The following TTLL1 variants were observed in gnomAD, a reference collection of about 807,000 sequenced individuals.
The protein encoded by TTLL1 is polyglutamylase complex subunit TTLL1.
Under a neutral mutation model 47.8 loss-of-function variants are expected in TTLL1, and 33 were observed. The ratio of observed to expected loss-of-function variants is 0.69; its 90% CI spans 0.52 to 0.92. The LOEUF (loss-of-function observed/expected upper bound fraction) is 0.92. Among genes scored for constraint, TTLL1 ranks in the 40% least tolerant of loss-of-function variants. The pLI, the probability that TTLL1 is intolerant of heterozygous loss-of-function variation, is 0.00. For synonymous variants in TTLL1, 225 were observed against 214.1 expected, an observed-to-expected ratio of 1.05 and a Z score of -0.45; for missense variants, 488 against 547.5, an observed-to-expected ratio of 0.89 and a Z score of 1.08.
intron 1 of TTLL1, among the ~76,000 whole-genome samples, chr22:43,080,902 CTTTTTTTTT>C (rs10529079): frequency 0.012 from 845 of 69,246 alleles, 11 homozygotes; most frequent in African/African-American, 0.027. Flanking sequence ...TGTTGCATGA[CTTTTTTTTT>C]TTTTTTTTTT....
chr22:43,071,640 C>T (rs1307375959), intron 3 of TTLL1, among the ~76,000 whole-genome samples: 3 of 152,178 alleles, frequency 2.0e-5, no homozygotes, highest in African/African-American at 7.2e-5. Context: ...AAACTCCTGA[C>T]CTCAGGTGAT....
chr22:43,055,679 G>A (rs1926951333), intron 8 of TTLL1, among the ~76,000 whole-genome samples: 1 of 149,928 alleles, frequency 6.7e-6, no homozygotes, highest in Admixed American at 6.6e-5. Flanking sequence ...TTGCTATGTG[G>A]TCCAGGCTGG....
At position 43,049,479 on chromosome 22, in the gene TTLL1, C is replaced by T. The variant is rs150822658; in HGVS notation, c.978+2322G>A. Among the ~76,000 whole-genome samples the T allele has an allele frequency of 5.5e-3, 834 of 151,486 alleles. 11 individuals carry two copies. The highest frequency in any genetic ancestry group is 0.019 in the African/African-American group (796 of 41,252). On this transcript the variant is annotated intron_variant, in intron 9 of 10. Transcript: ENST00000266254. ...CAGAGGTTGTGGTGAGCCAAGATGG[C>T]GCCATTGCACTCCAGCCTGGGCAAC... is the stretch of plus-strand genomic sequence containing the variant.
At chr22:43,077,477 T>G (rs577094232) in intron 2 of TTLL1, among the ~76,000 whole-genome samples, 78 of 152,264 alleles carry the variant, frequency 5.1e-4, no homozygotes, top group Non-Finnish European at 9.7e-4. Flanking sequence ...CTGTCCCTGC[T>G]GGGGGCCAGG....
chr22:43,073,640 G>A (rs991743359), intron 3 of TTLL1, among the ~76,000 whole-genome samples: 3 of 151,012 alleles, frequency 2.0e-5, no homozygotes, highest in Non-Finnish European at 3.0e-5. Context: ...ACAGGCATGA[G>A]CCGCTGTGCC....
chr22:43,043,811 C>T (rs999580509), intron 10 of TTLL1, among the ~76,000 whole-genome samples: 3 of 152,008 alleles, frequency 2.0e-5, no homozygotes, highest in African/African-American at 7.3e-5. Context: ...CAGTTACCTT[C>T]CTCCTTGTGC....
chr22:43,043,209 G>A (rs950363323), intron 10 of TTLL1, among the ~76,000 whole-genome samples: 6 of 151,908 alleles, frequency 3.9e-5, no homozygotes, highest in Non-Finnish European at 1.5e-5. Flanking sequence ...CCAAAGTGCT[G>A]GGATTACAGG....
intron 9 of TTLL1, among the ~76,000 whole-genome samples, chr22:43,048,190 G>A (rs1926298759): frequency 2.0e-5 from 3 of 151,902 alleles, no homozygotes; most frequent in South Asian, 4.2e-4. Flanking sequence ...GGTGGCAGGC[G>A]CCTGTAATCC....
intron 8 of TTLL1, among the ~76,000 whole-genome samples, chr22:43,052,624 CCAGCTACTCGGGA>C (rs1198392100): frequency 6.6e-6 from 1 of 151,978 alleles, no homozygotes; most frequent in Non-Finnish European, 1.5e-5. Flanking sequence ...GCCATTAGTC[CCAGCTACTCGGGA>C]CAGCTGGAGG....
At chr22:43,057,748 G>A (rs1927114699) in intron 8 of TTLL1, among the ~76,000 whole-genome samples, 1 of 147,316 alleles carries the variant, frequency 6.8e-6, no homozygotes, top group African/African-American at 2.5e-5. Flanking sequence ...TGGGCTCCTG[G>A]AGTGGGCAGG....
chr22:43,075,399 C>G (rs1928416609), intron 3 of TTLL1, 75 bp downstream of exon 3: 1 of 1,262,610 alleles, frequency 7.9e-7, no homozygotes, highest in African/African-American at 1.5e-5. Flanking sequence ...AGGCCACTCT[C>G]TGGGAGGCAC....
At chr22:43,063,721 C>T in intron 7 of TTLL1, 92 bp downstream of exon 7, 1 of 1,218,500 alleles carries the variant, frequency 8.2e-7, no homozygotes, top group Non-Finnish European at 1.2e-6. Context: ...CCGCCTCAGC[C>T]TCCCAAAGTG....
At position 43,046,489 on chromosome 22, in the gene TTLL1, C is replaced by T. The variant is rs941132746; in HGVS notation, c.1063G>A (p.Ala355Thr). ...YNLINDTLNI[A>T]VPNGEIPDCK... ...TCTGGGATTTCACCATTCGGGACGGCGATGTTGAGGGTGTCATTAATCAGG... is the reference window on the plus strand; with the variant it reads ...TCTGGGATTTCACCATTCGGGACGGTGATGTTGAGGGTGTCATTAATCAGG... The change falls in exon 10 of 11, where the codon GCC becomes ACC. Residue 355 changes from alanine (A) to threonine (T), a missense_variant. By Grantham distance (58) the Ala-to-Thr change is moderately conservative. Transcript: ENST00000266254. 3.7e-6 allele frequency: 6 copies of T among 1,613,824 alleles called. No individual in the cohort carries two copies. Among genetic ancestry groups the T allele is most frequent in the Admixed American group, 1.7e-5 (1 of 59,926 alleles).
chr22:43,047,290 C>T (rs1361572451), intron 9 of TTLL1, among the ~76,000 whole-genome samples: 1 of 152,068 alleles, frequency 6.6e-6, no homozygotes, highest in Non-Finnish European at 1.5e-5. Flanking sequence ...TCCCTTTTTG[C>T]TAAGAGAGTA....
chr22:43,062,536 T>C (rs1229236385), intron 7 of TTLL1, among the ~76,000 whole-genome samples: 1 of 147,864 alleles, frequency 6.8e-6, no homozygotes, highest in Non-Finnish European at 1.5e-5. Context: ...AAAAAGAAAC[T>C]GCATTATTTA....
intron 10 of TTLL1, among the ~76,000 whole-genome samples, chr22:43,042,910 A>G (rs920212311): frequency 1.3e-4 from 19 of 149,760 alleles, no homozygotes; most frequent in Admixed American, 1.1e-3. Flanking sequence ...AACTAAAAGC[A>G]GTGAGGCTCT....
intron 5 of TTLL1, among the ~76,000 whole-genome samples, chr22:43,067,327 T>C (rs2235380): frequency 0.094 from 14,313 of 152,204 alleles, 903 homozygotes; most frequent in African/African-American, 0.17. Context: ...GTGTCCCCGG[T>C]TTACTCAGAT....
chr22:43,064,587 G>A (rs1927609790), intron 5 of TTLL1, among the ~76,000 whole-genome samples: 2 of 152,020 alleles, frequency 1.3e-5, no homozygotes, highest in African/African-American at 4.8e-5. Flanking sequence ...TTAGCCCGGT[G>A]TGGTGGTGTG....
At chr22:43,045,064 T>C (rs1278891599) in intron 10 of TTLL1, among the ~76,000 whole-genome samples, 4 of 152,178 alleles carry the variant, frequency 2.6e-5, no homozygotes, top group Admixed American at 6.5e-5. Context: ...AGTTTCACCA[T>C]GTTGGTCAGG....
Sources: allele counts gnomAD v4.1 joint callset (sites outside exome capture counted in the v4.1 genomes callset), GRCh38; gene constraint gnomAD v4.1.1; transcripts MANE v1.5; gene names NCBI Gene and HGNC (gene_info 2026-07-23, HGNC 2026-07-21).